OSBPL11: variants seen among roughly 807,000 people sequenced by gnomAD.
OSBPL11 encodes the protein oxysterol-binding protein-related protein 11.
A neutral mutation model predicts 84.4 loss-of-function variants in OSBPL11; 33 were observed. The ratio of observed to expected loss-of-function variants is 0.39; its 90% confidence interval spans 0.30 to 0.52. The LOEUF (loss-of-function observed/expected upper bound fraction) is 0.52. Among genes scored for constraint, OSBPL11 ranks in the 20% least tolerant of loss-of-function variants. The pLI is 0.72. For synonymous variants in OSBPL11, 276 were observed against 310.2 expected (o/e 0.89, Z 1.16); for missense variants, 736 against 901.1 (o/e 0.82, Z 2.35).
chr3:125,592,731 T>C (rs1446189414), intron 1 of OSBPL11, among the ~76,000 whole-genome samples: 1 of 152,000 alleles, frequency 6.6e-6, no homozygotes, highest in African/African-American at 2.4e-5. Context: ...GTATTTAATG[T>C]TGACATTTTA....
At chr3:125,558,464 C>A (rs960418253) in intron 8 of OSBPL11, among the ~76,000 whole-genome samples, 2 of 152,062 alleles carry the variant, frequency 1.3e-5, no homozygotes, top group African/African-American at 4.8e-5. Flanking sequence ...TTTATTAATT[C>A]CTAAAATGTC....
At chr3:125,577,017 A>G (rs1214759923) in intron 4 of OSBPL11, among the ~76,000 whole-genome samples, 1 of 152,184 alleles carries the variant, frequency 6.6e-6, no homozygotes, top group Non-Finnish European at 1.5e-5. Flanking sequence ...AAATGCACTC[A>G]GCAATATAAT....
chr3:125,580,824 T>G (rs913581040), intron 2 of OSBPL11, among the ~76,000 whole-genome samples: 2 of 152,074 alleles, frequency 1.3e-5, no homozygotes, highest in African/African-American at 4.8e-5. Flanking sequence ...TAGTGAAATA[T>G]ACAACAAGAA....
intron 10 of OSBPL11, among the ~76,000 whole-genome samples, chr3:125,542,509 ATTTT>A (rs35801148): frequency 2.5e-5 from 3 of 119,868 alleles, no homozygotes; most frequent in Non-Finnish European, 1.8e-5. Flanking sequence ...CTAATTTTGT[ATTTT>A]TTTTTTTTTT....
At chr3:125,582,829 G>A (rs1349169088) in intron 2 of OSBPL11, 81 bp downstream of exon 2, 2 of 1,040,340 alleles carry the variant, frequency 1.9e-6, no homozygotes, top group Non-Finnish European at 2.9e-6. Context: ...TCTGTCTAAA[G>A]TAATATCAAA....
At chr3:125,581,443 C>T (rs979090217) in intron 2 of OSBPL11, among the ~76,000 whole-genome samples, 1 of 151,022 alleles carries the variant, frequency 6.6e-6, no homozygotes, top group Non-Finnish European at 1.5e-5. Flanking sequence ...CACCTGTAAT[C>T]CCAGCACTTT....
intron 9 of OSBPL11, among the ~76,000 whole-genome samples, chr3:125,548,385 GTTGT>G (rs1310528522): frequency 6.6e-6 from 1 of 151,988 alleles, no homozygotes; most frequent in Non-Finnish European, 1.5e-5. Context: ...AAGAAAAAAT[GTTGT>G]TTGATTATAA....
intron 10 of OSBPL11, among the ~76,000 whole-genome samples, chr3:125,541,113 T>G (rs1443676674): frequency 6.6e-6 from 1 of 152,172 alleles, no homozygotes; most frequent in Admixed American, 6.6e-5. Context: ...CCAATAAAAT[T>G]TAATTTACAA....
intron 11 of OSBPL11, among the ~76,000 whole-genome samples, chr3:125,537,739 G>T (rs1425092130): frequency 6.6e-6 from 1 of 152,034 alleles, no homozygotes; most frequent in Non-Finnish European, 1.5e-5. Context: ...AATTTAAACA[G>T]TACAAATAGG....
chr3:125,573,190 T>C (rs984731927), intron 5 of OSBPL11, among the ~76,000 whole-genome samples: 1 of 151,998 alleles, frequency 6.6e-6, no homozygotes, highest in East Asian at 1.9e-4. Context: ...TCCTTGATAC[T>C]ATAAAACCAG....
intron 1 of OSBPL11, among the ~76,000 whole-genome samples, chr3:125,587,349 A>T (rs886677046): frequency 2.6e-5 from 4 of 152,196 alleles, no homozygotes; most frequent in African/African-American, 9.6e-5. Flanking sequence ...CCAACTTAAG[A>T]TGTTAAATTT....
At chr3:125,594,550 A>T in intron 1 of OSBPL11, 87 bp downstream of exon 1, 1 of 1,484,274 alleles carries the variant, frequency 6.7e-7, no homozygotes, top group South Asian at 1.3e-5. Flanking sequence ...AAAAACTTTT[A>T]TCTTTCAACA....
At chr3:125,572,617 C>CTGCACAAG (rs1436461508) in intron 5 of OSBPL11, among the ~76,000 whole-genome samples, 1 of 151,928 alleles carries the variant, frequency 6.6e-6, no homozygotes, top group Admixed American at 6.6e-5. Flanking sequence ...AGGAGTTCCC[C>CTGCACAAG]TGCACAAGTT....
chr3:125,576,126 G>T, intron 5 of OSBPL11, 63 bp downstream of exon 5: 1 of 1,460,526 alleles, frequency 6.8e-7, no homozygotes, highest in Non-Finnish European at 9.3e-7. Context: ...AAGTTTTTTT[G>T]TGACAAAACC....
chr3:125,584,985 G>A (rs774591342), intron 1 of OSBPL11, among the ~76,000 whole-genome samples: 1 of 152,024 alleles, frequency 6.6e-6, no homozygotes, highest in African/African-American at 2.4e-5. Context: ...TCACTATGTT[G>A]CCCAGGCTGC....
At chr3:125,589,607 C>G (rs1049088720) in intron 1 of OSBPL11, among the ~76,000 whole-genome samples, 1 of 151,124 alleles carries the variant, frequency 6.6e-6, no homozygotes, top group Non-Finnish European at 1.5e-5. Context: ...TTCCTTTAAC[C>G]CCTGCAGAGG....
intron 1 of OSBPL11, among the ~76,000 whole-genome samples, chr3:125,591,949 CTA>C (rs2107615184): frequency 6.6e-6 from 1 of 152,114 alleles, no homozygotes; most frequent in East Asian, 1.9e-4. Context: ...CTGCAGTGAG[CTA>C]TGATGGAGAC....
At chr3:125,560,040 T>A (rs528075993) in intron 8 of OSBPL11, among the ~76,000 whole-genome samples, 3 of 151,720 alleles carry the variant, frequency 2.0e-5, no homozygotes, top group South Asian at 4.2e-4. Context: ...GGTGGGAGGA[T>A]CACGAGGTCA....
At chr3:125,588,602 A>C (rs1464608525) in intron 1 of OSBPL11, among the ~76,000 whole-genome samples, 1 of 152,224 alleles carries the variant, frequency 6.6e-6, no homozygotes, top group Non-Finnish European at 1.5e-5. Context: ...GTCAAAATCC[A>C]TACTTTCAAC....
Sources: gnomAD v4.1 joint callset for allele counts (sites outside exome capture counted in the v4.1 genomes callset) on GRCh38, gnomAD v4.1.1 for gene constraint, MANE v1.5 for transcripts, NCBI Gene and HGNC (gene_info 2026-07-23, HGNC 2026-07-21) for gene names.